The following FLVCR1 variants were observed in gnomAD, a reference collection of about 807,000 sequenced individuals.
FLVCR1 encodes the protein choline/ethanolamine transporter FLVCR1.
FLVCR1 carries 34 observed loss-of-function variants against 53.6 expected under a neutral mutation model. That is an observed-to-expected ratio of 0.63 (90% CI 0.48 to 0.84). The LOEUF is 0.84. Ranked by LOEUF, FLVCR1 falls within the 40% of genes least tolerant of loss-of-function variation. The pLI is 0.00. For missense variants in FLVCR1, 677 were observed against 696.7 expected (o/e 0.97, Z 0.32); for synonymous variants, 300 against 286.3 (o/e 1.05, Z -0.48).
In FLVCR1 at chr1:212,878,958, C is replaced by T. The variant is rs189739696; in HGVS notation, c.1025-4413C>T. Among the ~76,000 whole-genome samples, 10 of 151,500 alleles carry T rather than the reference C, an allele frequency of 6.6e-5. No individual in the cohort carries two copies. In the East Asian group the frequency reaches 1.7e-3, roughly 27 times the overall value. On this transcript the variant is annotated intron_variant, in intron 3 of 9. Transcript: ENST00000366971. ...GAGCTGTGTTTGTGCCACTGTACTGCAGTCTGGGTGACAAAGTGAGATCCT... is the reference window on the plus strand; with the variant it reads ...GAGCTGTGTTTGTGCCACTGTACTGTAGTCTGGGTGACAAAGTGAGATCCT...
intron 2 of FLVCR1, chr1:212,864,390 T>A (rs927323584): frequency 1.2e-5 from 2 of 170,560 alleles, no homozygotes; most frequent in African/African-American, 4.8e-5. Flanking sequence ...ATCTACTTGT[T>A]AGGCCACTCC....
intron 1 of FLVCR1, among the ~76,000 whole-genome samples, chr1:212,861,569 T>A (rs906589617): frequency 4.6e-5 from 7 of 152,184 alleles, no homozygotes; most frequent in Non-Finnish European, 1.0e-4. Context: ...GTCTCCCCAG[T>A]CTTGGCACTG....
At position 212,897,673 on chromosome 1, in the gene FLVCR1, T is replaced by A. The variant is rs1004918488; in HGVS notation, c.*2383T>A. The A allele has an allele frequency of 1.3e-5, 2 of 152,144 alleles. No homozygotes were observed. The highest frequency in any genetic ancestry group is 4.8e-5 in the African/African-American group (2 of 41,398). 9.4% of individuals were successfully genotyped at this position (152,144 alleles called of 1,614,324 possible). A position where few individuals can be genotyped will look rare whatever the true frequency, so the allele number is the denominator to read the frequency against. ...GGGAGCTTTACTCATGGTGAAAGGC[T>A]AAGTGGGAGCAGAGATGTCACATGG... On this transcript the variant is annotated 3_prime_UTR_variant, in exon 10 of 10. Coordinates refer to ENST00000366971, the MANE Select transcript of FLVCR1 (RefSeq NM_014053.4).
chr1:212,888,045 TA>T (rs766222097), intron 6 of FLVCR1, 44 bp downstream of exon 6: 101 of 1,123,860 alleles, frequency 9.0e-5, no homozygotes, highest in Non-Finnish European at 1.2e-4. Context: ...CATGCTGTTA[TA>T]ATTCTGAAGT....
rs1323079807 is a variant in FLVCR1 at position 212,858,446 on chromosome 1, C to T, written c.-7C>T. ...GGGGAGCGAGGTGGCGCCGGGGAGC[C>T]TGGGATATGGCGCGGCCAGACGATG... On this transcript the variant is annotated 5_prime_UTR_variant, in exon 1 of 10. Coordinates refer to ENST00000366971, the MANE Select transcript of FLVCR1 (RefSeq NM_014053.4). 14 of 1,434,290 alleles carry T rather than the reference C, an allele frequency of 9.8e-6. No homozygotes were observed. The highest frequency in any genetic ancestry group is 1.4e-5 in the African/African-American group (1 of 69,064). The allele number at this position is 1,434,290 out of a possible 1,614,324, so 88.8% of individuals were successfully genotyped here.
In FLVCR1 at chr1:212,898,276, A is replaced by T. The variant is rs1166611602; in HGVS notation, c.*2986A>T. On this transcript the variant is annotated 3_prime_UTR_variant, in exon 10 of 10. Transcript: ENST00000366971. Reference sequence around the variant, plus strand: ...AACAAATGTGATTGCTACCTTATGGATACAACGGACTTTTACATTTCTTTT... The same window carrying T: ...AACAAATGTGATTGCTACCTTATGGTTACAACGGACTTTTACATTTCTTTT... 1 of 152,246 alleles carries T rather than the reference A, an allele frequency of 6.6e-6. No individual in the cohort carries two copies. The highest frequency in any genetic ancestry group is 1.5e-5 in the Non-Finnish European group (1 of 68,046). The allele number at this position is 152,246 out of a possible 1,614,324, so 9.4% of individuals were successfully genotyped here.
intron 5 of FLVCR1, 75 bp downstream of exon 5, chr1:212,885,471 T>G (rs1325502073): frequency 2.6e-6 from 3 of 1,147,580 alleles, no homozygotes; most frequent in Non-Finnish European, 2.6e-6. Flanking sequence ...GCTTTTTATT[T>G]CAAGAAATTT....
intron 2 of FLVCR1, among the ~76,000 whole-genome samples, chr1:212,864,219 G>C (rs1319068557): frequency 1.3e-5 from 2 of 152,186 alleles, no homozygotes; most frequent in Non-Finnish European, 2.9e-5. Flanking sequence ...ACAAGTTCTT[G>C]CCATGCTTTG....
rs1390983083 is a variant in FLVCR1, at chr1:212,858,588, A to G, written c.136A>G (p.Thr46Ala). 6.7e-7 allele frequency: 1 copy of G among 1,503,028 alleles called. No individual in the cohort carries two copies. The highest frequency in any genetic ancestry group is 1.4e-5 in the African/African-American group (1 of 72,060). 93.1% of individuals were successfully genotyped at this position (1,503,028 alleles called of 1,614,324 possible). The change falls in exon 1 of 10, where the codon ACC (threonine) becomes GCC (alanine). Residue 46 changes from threonine (T) to alanine (A), a missense_variant. Coordinates refer to ENST00000366971, the MANE Select transcript of FLVCR1 (RefSeq NM_014053.4). ...GCTGCAGAACGGGCCCAAAGCGGGC[A>G]CCTTCCCGGTGAATGGGGCCCCCCG... ...VELQNGPKAGTFPVNGAPRDS... is the reference protein window; with the variant it reads ...VELQNGPKAGAFPVNGAPRDS...
chr1:212,858,305 A>C lies in FLVCR1; in HGVS notation c.-148A>C, dbSNP rs987915815. The stretch of plus-strand genomic sequence containing the variant: ...TTCATCTGTTCACGCGGTAGCGCGG[A>C]TTGCGGTTCGCGGCGCGCGCCACCG... On this transcript the variant is annotated 5_prime_UTR_variant, in exon 1 of 10. Coordinates refer to ENST00000366971, the MANE Select transcript of FLVCR1 (RefSeq NM_014053.4). 7 of 768,084 alleles carry C rather than the reference A, an allele frequency of 9.1e-6. No homozygotes were observed. The highest frequency in any genetic ancestry group is 1.4e-5 in the Non-Finnish European group (7 of 507,938). 47.6% of individuals were successfully genotyped at this position (768,084 alleles called of 1,614,324 possible). A position where few individuals can be genotyped will look rare whatever the true frequency, so the allele number is the denominator to read the frequency against.
At chr1:212,877,882 A>C (rs932176816) in intron 3 of FLVCR1, among the ~76,000 whole-genome samples, 1 of 152,168 alleles carries the variant, frequency 6.6e-6, no homozygotes, top group Non-Finnish European at 1.5e-5. Flanking sequence ...ACTTCTGTTC[A>C]ACATCTAACT....
chr1:212,875,690 A>C (rs1203698566), intron 3 of FLVCR1, among the ~76,000 whole-genome samples: 1 of 151,786 alleles, frequency 6.6e-6, no homozygotes, highest in Admixed American at 6.6e-5. Context: ...AAATACAAAA[A>C]TTAGCTGGGC....
Position 212,865,391 on chromosome 1 carries a change from A to G in FLVCR1, c.883+1522A>G, listed in dbSNP as rs377309906. On this transcript the variant is annotated intron_variant, in intron 2 of 9. Transcript: ENST00000366971. ...GAGAGCATGCGGTAAAAACACCACAATTCTTAAGTCTGCTTTTCTGGTAGC... is the reference window on the plus strand; with the variant it reads ...GAGAGCATGCGGTAAAAACACCACAGTTCTTAAGTCTGCTTTTCTGGTAGC... Among the ~76,000 whole-genome samples, 60 of 151,734 alleles carry G rather than the reference A, an allele frequency of 4.0e-4. No homozygotes were observed. In the East Asian group the frequency reaches 9.1e-3, roughly 23 times the overall value.
chr1:212,860,064 C>G lies in FLVCR1; in HGVS notation c.738+874C>G, dbSNP rs868486222. On this transcript the variant is annotated intron_variant, in intron 1 of 9. Transcript: ENST00000366971. Reference sequence around the variant, plus strand: ...TTGGGAGGCTGAGGCAGGCGGATCACTTGAGGCCAGGAGTCTGAGACCAGC... The same window carrying G: ...TTGGGAGGCTGAGGCAGGCGGATCAGTTGAGGCCAGGAGTCTGAGACCAGC... 4.6e-5 allele frequency among the ~76,000 whole-genome samples: 7 copies of G among 152,322 alleles called. No homozygotes were observed. In the South Asian group the frequency reaches 8.3e-4, roughly 18 times the overall value.
intron 3 of FLVCR1, among the ~76,000 whole-genome samples, chr1:212,882,376 C>T (rs560938169): frequency 6.6e-6 from 1 of 152,040 alleles, no homozygotes; most frequent in African/African-American, 2.4e-5. Flanking sequence ...GTAACAAGAG[C>T]AAGTTGCAGA....
chr1:212,891,704 G>A (rs957240102), intron 8 of FLVCR1, among the ~76,000 whole-genome samples: 8 of 152,102 alleles, frequency 5.3e-5, no homozygotes, highest in African/African-American at 1.4e-4. Context: ...TGGCCTCCAG[G>A]TGTTTAAGCA....
rs1356835192 is a variant in FLVCR1 at position 212,858,371 on chromosome 1, A to C, written c.-82A>C. 1 of 1,324,488 alleles carries C rather than the reference A, an allele frequency of 7.6e-7. No homozygotes were observed. Among genetic ancestry groups the C allele is most frequent in the Non-Finnish European group, 9.9e-7 (1 of 1,005,484 alleles). The allele number at this position is 1,324,488 out of a possible 1,614,324, so 82.0% of individuals were successfully genotyped here. A position where few individuals can be genotyped will look rare whatever the true frequency, so the allele number is the denominator to read the frequency against. ...GCCGAGGGGTTGGAGGTGGGGCCCC[A>C]GGAGGACCTCGGGCTGTGGGCCGGG... is the stretch of plus-strand genomic sequence containing the variant. On this transcript the variant is annotated 5_prime_UTR_variant, in exon 1 of 10. Coordinates refer to ENST00000366971, the MANE Select transcript of FLVCR1 (RefSeq NM_014053.4).
At chr1:212,887,806 C>G in intron 5 of FLVCR1, 85 bp from the exon 6 acceptor site, 1 of 725,988 alleles carries the variant, frequency 1.4e-6, no homozygotes, top group Non-Finnish European at 2.5e-6. Flanking sequence ...AACAAAGATT[C>G]ATTACTGAAC....
intron 8 of FLVCR1, 66 bp from the exon 9 acceptor site, chr1:212,894,918 CTT>C (rs1665293406): frequency 9.7e-7 from 1 of 1,030,946 alleles, no homozygotes; most frequent in South Asian, 1.3e-5. Flanking sequence ...CCAAGAAAGA[CTT>C]TGAGCTGCTT....
Sources: gnomAD v4.1 joint callset for allele counts (sites outside exome capture counted in the v4.1 genomes callset) on GRCh38, gnomAD v4.1.1 for gene constraint, MANE v1.5 for transcripts, NCBI Gene and HGNC (gene_info 2026-07-23, HGNC 2026-07-21) for gene names.